The following DAB1 variants were observed in gnomAD, a reference collection of about 807,000 sequenced individuals.
The protein encoded by DAB1 is DAB adaptor protein 1, also known as disabled homolog 1.
A neutral mutation model predicts 64.6 loss-of-function variants in DAB1; 15 were observed. The observed-to-expected ratio is 0.23, with a 90% CI of 0.16 to 0.36. The LOEUF (loss-of-function observed/expected upper bound fraction) is 0.36. Ranked by LOEUF, DAB1 falls within the 10% of genes least tolerant of loss-of-function variation. The probability of loss-of-function intolerance (pLI) is 1.00; values close to 1 mark genes in which losing one functional copy is unlikely to be tolerated. For missense variants in DAB1, 596 were observed against 706.7 expected, an observed-to-expected ratio of 0.84 and a Z score of 1.78; for synonymous variants, 235 against 251.9, an observed-to-expected ratio of 0.93 and a Z score of 0.64.
intron 2 of DAB1, among the ~76,000 whole-genome samples, chr1:57,146,582 T>C (rs1659160476): frequency 6.6e-6 from 1 of 152,270 alleles, no homozygotes; most frequent in Admixed American, 6.5e-5. Flanking sequence ...GAAGACATGC[T>C]TAAAATAGAA....
At chr1:57,605,865 G>T in intron 7 of DAB1, 1 of 600,566 alleles carries the variant, frequency 1.7e-6, no homozygotes, top group South Asian at 1.6e-5. Flanking sequence ...CTGCAACGGT[G>T]ACTTCCACTT....
chr1:57,884,622 T>C (rs565477514), upstream of DAB1, among the ~76,000 whole-genome samples: 216 of 152,378 alleles, frequency 1.4e-3, 1 homozygote, highest in African/African-American at 4.9e-3. Flanking sequence ...TCACAAAGTT[T>C]GTACAATTTT....
At chr1:58,467,597 C>T (rs1299523530) in intron 3 of DAB1, among the ~76,000 whole-genome samples, 1 of 152,146 alleles carries the variant, frequency 6.6e-6, no homozygotes, top group Non-Finnish European at 1.5e-5. Context: ...TAAATAATTG[C>T]TACTCGGTGC....
At chr1:57,092,648 C>G (rs516494) in intron 4 of DAB1, among the ~76,000 whole-genome samples, 1 of 140,672 alleles carries the variant, frequency 7.1e-6, no homozygotes, top group African/African-American at 2.7e-5. Flanking sequence ...AGTGTGAGAA[C>G]GAACAAACAG....
chr1:57,025,341 C>G (rs1027902928), intron 10 of DAB1, among the ~76,000 whole-genome samples: 1 of 152,182 alleles, frequency 6.6e-6, no homozygotes, highest in Non-Finnish European at 1.5e-5. Flanking sequence ...TTTGTAAGCA[C>G]TGACTGAGGT....
In DAB1 at chr1:57,423,995, G is replaced by C. The variant is rs1685141143; in HGVS notation, c.-202C>G. On this transcript the variant is annotated 5_prime_UTR_variant, in exon 1 of 15. Transcript: ENST00000371236. ...CCCAGGAAGCGGCTCCCCATGCCCGGCGGGCGGCGGCACTCAGGCGCGCTC... is the reference window on the plus strand; with the variant it reads ...CCCAGGAAGCGGCTCCCCATGCCCGCCGGGCGGCGGCACTCAGGCGCGCTC... 6.6e-6 allele frequency: 1 copy of C among 152,014 alleles called. No homozygotes were observed. Among genetic ancestry groups the C allele is most frequent in the Non-Finnish European group, 1.5e-5 (1 of 68,042 alleles). The allele number at this position is 152,014 out of a possible 1,614,324, so 9.4% of individuals were successfully genotyped here. A position where few individuals can be genotyped will look rare whatever the true frequency, so the allele number is the denominator to read the frequency against.
chr1:57,789,485 G>T (rs1650491850), intron 6 of DAB1, among the ~76,000 whole-genome samples: 1 of 152,164 alleles, frequency 6.6e-6, no homozygotes, highest in Non-Finnish European at 1.5e-5. Flanking sequence ...CAGGGTGCCA[G>T]CATGGTTGGG....
chr1:58,275,963 C>G (rs894845552), intron 4 of DAB1, among the ~76,000 whole-genome samples: 2 of 152,152 alleles, frequency 1.3e-5, no homozygotes, highest in African/African-American at 4.8e-5. Context: ...TGTATATACA[C>G]CAGTGGAATA....
intron 4 of DAB1, among the ~76,000 whole-genome samples, chr1:58,331,630 T>C (rs1662970629): frequency 6.6e-6 from 1 of 152,194 alleles, no homozygotes; most frequent in Admixed American, 6.5e-5. Flanking sequence ...TTAGCAGTCA[T>C]CAACATCAAA....
At chr1:58,080,250 T>G (rs757539316) in intron 5 of DAB1, 4 of 152,258 alleles carry the variant, frequency 2.6e-5, no homozygotes, top group Non-Finnish European at 5.9e-5. Flanking sequence ...ATCTCTCATT[T>G]TTTCAATAAC....
At chr1:58,240,559 G>A (rs1001044919) in intron 4 of DAB1, among the ~76,000 whole-genome samples, 5 of 152,144 alleles carry the variant, frequency 3.3e-5, no homozygotes, top group Non-Finnish European at 7.4e-5. Flanking sequence ...TAAAATCTTG[G>A]TTACATGCAG....
intron 4 of DAB1, among the ~76,000 whole-genome samples, chr1:57,072,648 G>A (rs1219562484): frequency 1.3e-5 from 2 of 152,198 alleles, no homozygotes; most frequent in African/African-American, 2.4e-5. Flanking sequence ...TGCTGAATAA[G>A]CATCTGCAAC....
intron 3 of DAB1, among the ~76,000 whole-genome samples, chr1:58,470,001 T>G (rs1301741579): frequency 6.6e-6 from 1 of 151,902 alleles, no homozygotes; most frequent in Non-Finnish European, 1.5e-5. Flanking sequence ...AAGTGTACAA[T>G]CATCTCATTT....
intron 2 of DAB1, among the ~76,000 whole-genome samples, chr1:57,239,370 C>G (rs1458274994): frequency 1.3e-5 from 2 of 152,230 alleles, no homozygotes; most frequent in African/African-American, 4.8e-5. Context: ...TAGTGCTCAT[C>G]TTCCCCACTA....
chr1:57,422,856 A>G (rs1340037308), intron 1 of DAB1, among the ~76,000 whole-genome samples: 1 of 152,116 alleles, frequency 6.6e-6, no homozygotes, highest in Non-Finnish European at 1.5e-5. Flanking sequence ...GCACCACCAA[A>G]AAACAAAAAC....
intron 12 of DAB1, among the ~76,000 whole-genome samples, chr1:57,014,315 C>T (rs973745082): frequency 6.6e-6 from 1 of 152,194 alleles, no homozygotes; most frequent in African/African-American, 2.4e-5. Flanking sequence ...AATGAGGCTT[C>T]AACTATAAAA....
At chr1:57,707,660 A>G (rs1646984450) in intron 6 of DAB1, among the ~76,000 whole-genome samples, 1 of 152,100 alleles carries the variant, frequency 6.6e-6, no homozygotes, top group Admixed American at 6.5e-5. Flanking sequence ...GTATAGATTT[A>G]TATGTTTTAT....
intron 4 of DAB1, among the ~76,000 whole-genome samples, chr1:57,075,996 A>T (rs1284043457): frequency 6.6e-6 from 1 of 152,182 alleles, no homozygotes; most frequent in African/African-American, 2.4e-5. Context: ...AGGGAGGGTC[A>T]TAAATCAGAG....
In DAB1 at chr1:57,858,244, C is replaced by G. The variant is rs150832159; in HGVS notation, n.87+25755G>C. 3.8e-3 allele frequency among the ~76,000 whole-genome samples: 578 copies of G among 152,158 alleles called. 1 individual carries two copies. Among genetic ancestry groups the G allele is most frequent in the Non-Finnish European group, 6.0e-3 (407 of 67,992 alleles). ...AGAACCTTAGTAATTATCTGTTCACCTCCTTATTTAAACTATTGGGAGATT... is the reference window on the plus strand; with the variant it reads ...AGAACCTTAGTAATTATCTGTTCACGTCCTTATTTAAACTATTGGGAGATT... On this transcript the variant is annotated intron_variant and non_coding_transcript_variant, in intron 1 of 1. Transcript: ENST00000477280.
Sources: gnomAD v4.1 joint callset for allele counts (sites outside exome capture counted in the v4.1 genomes callset) on GRCh38, gnomAD v4.1.1 for gene constraint, MANE v1.5 for transcripts, NCBI Gene and HGNC (gene_info 2026-07-23, HGNC 2026-07-21) for gene names.